CYB5R4: variants seen among roughly 807,000 people sequenced by gnomAD.
CYB5R4 encodes the protein N-terminal cytochrome b5 and cytochrome b5 oxidoreductase domain-containing protein.
CYB5R4 carries 55 observed loss-of-function variants against 70.2 expected under a neutral mutation model. That is an observed-to-expected ratio of 0.78 (90% confidence interval 0.63 to 0.98). CYB5R4 has a LOEUF of 0.98. Ranked by LOEUF, CYB5R4 falls within the 50% of genes least tolerant of loss-of-function variation. The pLI, the probability that CYB5R4 is intolerant of heterozygous loss-of-function variation, is 0.00. For missense variants in CYB5R4, 562 were observed against 612.6 expected (o/e 0.92, Z 0.87); for synonymous variants, 197 against 199.5 (o/e 0.99, Z 0.11).
intron 10 of CYB5R4, among the ~76,000 whole-genome samples, chr6:83,929,725 T>A (rs1272660179): frequency 6.6e-6 from 1 of 152,260 alleles, no homozygotes; most frequent in East Asian, 1.9e-4. Flanking sequence ...GAATTGCTAT[T>A]TCTATACCCA....
chr6:83,878,643 G>A (rs1053589962), intron 2 of CYB5R4, among the ~76,000 whole-genome samples: 9 of 152,166 alleles, frequency 5.9e-5, no homozygotes, highest in African/African-American at 1.9e-4. Context: ...ACCGCGCCCA[G>A]CCGTGTTTTG....
chr6:83,966,883 CAG>C lies in CYB5R4; in HGVS notation c.*7010_*7011del, dbSNP rs1440286504. On this transcript the variant is annotated 3_prime_UTR_variant, in exon 16 of 16. Transcript: ENST00000369681. ...ATTGAAATTAATGTTGAAAGAGCACCAGAGAGTATACATCCAAAAAGACCAAC... is the reference window on the plus strand; with the variant it reads ...ATTGAAATTAATGTTGAAAGAGCACCAGAGTATACATCCAAAAAGACCAAC... The C allele has an allele frequency of 1.3e-5, 2 of 151,880 alleles. No homozygotes were observed. The highest frequency in any genetic ancestry group is 1.3e-4 in the Admixed American group (2 of 15,250). The allele number at this position is 151,880 out of a possible 1,614,324, so 9.4% of individuals were successfully genotyped here. A position where few individuals can be genotyped will look rare whatever the true frequency, so the allele number is the denominator to read the frequency against.
At chr6:83,934,001 A>G (rs147552999) in intron 10 of CYB5R4, among the ~76,000 whole-genome samples, 350 of 152,322 alleles carry the variant, frequency 2.3e-3, no homozygotes, top group Non-Finnish European at 2.9e-3. Flanking sequence ...AAGAATGTCT[A>G]TCTTTCTTGC....
At chr6:83,865,216 G>A (rs757708210) in intron 2 of CYB5R4, among the ~76,000 whole-genome samples, 4 of 152,148 alleles carry the variant, frequency 2.6e-5, no homozygotes, top group Non-Finnish European at 5.9e-5. Context: ...TTCAATGAGT[G>A]TAACACTTAC....
intron 14 of CYB5R4, among the ~76,000 whole-genome samples, chr6:83,952,880 T>C (rs2099471767): frequency 6.6e-6 from 1 of 152,178 alleles, no homozygotes; most frequent in South Asian, 2.1e-4. Flanking sequence ...GATGTCAGTA[T>C]TGGGACTGGC....
At chr6:83,950,304 T>TC (rs1471495232) in intron 14 of CYB5R4, among the ~76,000 whole-genome samples, 4 of 152,188 alleles carry the variant, frequency 2.6e-5, no homozygotes, top group Non-Finnish European at 5.9e-5. Context: ...ATCCTTTTTT[T>TC]CTTACGAAAA....
intron 1 of CYB5R4, among the ~76,000 whole-genome samples, chr6:83,863,582 C>G (rs1031619382): frequency 2.7e-4 from 41 of 152,210 alleles, no homozygotes; most frequent in Non-Finnish European, 2.9e-5. Flanking sequence ...ATATTAATGT[C>G]AGAGCCAGGA....
At chr6:83,918,371 A>G (rs559081012) in intron 6 of CYB5R4, among the ~76,000 whole-genome samples, 1 of 152,094 alleles carries the variant, frequency 6.6e-6, no homozygotes, top group East Asian at 1.9e-4. Context: ...ATAGAGAAAT[A>G]CAAAAGAAAG....
At position 83,965,339 on chromosome 6, in the gene CYB5R4, C is replaced by A. The variant is rs574004825; in HGVS notation, c.*5461C>A. On this transcript the variant is annotated 3_prime_UTR_variant, in exon 16 of 16. Transcript: ENST00000369681. The stretch of plus-strand genomic sequence containing the variant: ...CAAGACCATGGGAAGCCACCTCTTG[C>A]ATCAGCGTGACCTGGATGTGAGACC... 22 of 152,380 alleles carry A rather than the reference C, an allele frequency of 1.4e-4. No individual in the cohort carries two copies. In the East Asian group the frequency reaches 2.1e-3, roughly 15 times the overall value. 9.4% of individuals were successfully genotyped at this position (152,380 alleles called of 1,614,324 possible).
intron 14 of CYB5R4, among the ~76,000 whole-genome samples, chr6:83,946,221 C>T (rs2099470587): frequency 2.6e-5 from 4 of 152,140 alleles, no homozygotes; most frequent in African/African-American, 9.7e-5. Context: ...AAAGCTTTTC[C>T]ACCACGATCA....
chr6:83,910,321 C>G, intron 4 of CYB5R4: 1 of 595,920 alleles, frequency 1.7e-6, no homozygotes, highest in Non-Finnish European at 2.9e-6. Flanking sequence ...AGCTCAGAGA[C>G]TAACTGATAG....
At chr6:83,951,126 G>GC (rs1480285931) in intron 14 of CYB5R4, among the ~76,000 whole-genome samples, 1 of 152,100 alleles carries the variant, frequency 6.6e-6, no homozygotes, top group African/African-American at 2.4e-5. Context: ...AGTAAATCCT[G>GC]CAGTATACCA....
intron 2 of CYB5R4, among the ~76,000 whole-genome samples, chr6:83,887,710 T>G (rs1224129252): frequency 1.4e-5 from 2 of 138,992 alleles, no homozygotes; most frequent in Non-Finnish European, 1.5e-5. Flanking sequence ...AGTCCTTTTT[T>G]GGGTCTGTTC....
At chr6:83,951,004 G>A (rs146394251) in intron 14 of CYB5R4, among the ~76,000 whole-genome samples, 18 of 152,230 alleles carry the variant, frequency 1.2e-4, no homozygotes, top group South Asian at 6.2e-4. Context: ...AGGGGAAGAC[G>A]TGTTACACCT....
rs5877868 is a variant in CYB5R4, at chr6:83,940,495, G to GTT, written c.1260-10_1260-9dup. The stretch of plus-strand genomic sequence containing the variant: ...AATGTAATTAATTAGTTATTTCTGA[G>GTT]TTTTTTTTTTTCTCTTAAGGAAAGT... On this transcript the variant is annotated intron_variant, in intron 13 of 15. Transcript: ENST00000369681. The GTT allele has an allele frequency of 1.8e-3, 2,210 of 1,233,934 alleles. No homozygotes were observed. Among genetic ancestry groups the GTT allele is most frequent in the African/African-American group, 0.015 (956 of 64,282 alleles). The allele number at this position is 1,233,934 out of a possible 1,614,324, so 76.4% of individuals were successfully genotyped here.
chr6:83,945,045 G>A (rs761072115), intron 14 of CYB5R4, among the ~76,000 whole-genome samples: 14 of 152,114 alleles, frequency 9.2e-5, no homozygotes, highest in African/African-American at 3.1e-4. Flanking sequence ...GGATATTCAG[G>A]ACTTGAACTC....
chr6:83,886,731 A>G (rs2099460305), intron 2 of CYB5R4, among the ~76,000 whole-genome samples: 3 of 152,190 alleles, frequency 2.0e-5, no homozygotes, highest in Admixed American at 2.0e-4. Context: ...TCTTCACAAT[A>G]TCAAGAGTTA....
At chr6:83,936,164 T>C in intron 11 of CYB5R4, 60 bp from the exon 12 acceptor site, 1 of 1,307,926 alleles carries the variant, frequency 7.6e-7, no homozygotes, top group African/African-American at 1.5e-5. Context: ...GATGTTTCAT[T>C]TTCATTGAGA....
chr6:83,872,409 C>T lies in CYB5R4; in HGVS notation c.229+8081C>T, dbSNP rs145798722. On this transcript the variant is annotated intron_variant, in intron 2 of 15. Transcript: ENST00000369681. ...TTGAGGGTACTGAAGCTTAGAGAAT[C>T]CGCATTTACCAAATAAGAAAACTGA... Among the ~76,000 whole-genome samples the T allele has an allele frequency of 3.3e-5, 5 of 152,238 alleles. No homozygotes were observed. The East Asian group carries it at 9.6e-4, about 29-fold the overall frequency.
Sources: allele counts gnomAD v4.1 joint callset (sites outside exome capture counted in the v4.1 genomes callset), GRCh38; gene constraint gnomAD v4.1.1; transcripts MANE v1.5; gene names NCBI Gene and HGNC (gene_info 2026-07-23, HGNC 2026-07-21).